Variants in TRIM37 observed in about 807,000 individuals in gnomAD.
TRIM37 encodes the protein E3 ubiquitin-protein ligase TRIM37.
TRIM37 carries 80 observed loss-of-function variants against 129.8 expected under a neutral mutation model. The ratio of observed to expected loss-of-function variants is 0.62; its 90% CI spans 0.51 to 0.74. The LOEUF is 0.74. TRIM37 is among the 30% of genes least tolerant of loss of function. The pLI is 0.00. For missense variants in TRIM37, 1,054 were observed against 1,176.5 expected (o/e 0.90, Z 1.52); for synonymous variants, 389 against 387.1 (o/e 1.00, Z -0.06).
chr17:59,001,597 C>T lies in TRIM37; in HGVS notation c.2812+1G>A. On this transcript the variant is annotated splice_donor_variant, in intron 23 of 23. Coordinates refer to ENST00000262294, the MANE Select transcript of TRIM37 (RefSeq NM_015294.6). LOFTEE classifies it high-confidence loss of function. ...GTGTAAAATGACATCATGTGCTGCACCTTCATCCGGGGGCTGTGTCATGAC... is the reference window on the plus strand; with the variant it reads ...GTGTAAAATGACATCATGTGCTGCATCTTCATCCGGGGGCTGTGTCATGAC... 1 of 1,614,020 alleles carries T rather than the reference C, an allele frequency of 6.2e-7. No individual in the cohort carries two copies. Among genetic ancestry groups the T allele is most frequent in the Non-Finnish European group, 8.5e-7 (1 of 1,179,960 alleles).
chr17:59,075,416 T>C (rs1026055569), intron 8 of TRIM37, among the ~76,000 whole-genome samples: 1 of 151,520 alleles, frequency 6.6e-6, no homozygotes, highest in Non-Finnish European at 1.5e-5. Flanking sequence ...ACAAAAAAAT[T>C]AGCCGGGCGT....
At chr17:59,087,127 C>T (rs757388626) in intron 4 of TRIM37, among the ~76,000 whole-genome samples, 6 of 152,112 alleles carry the variant, frequency 3.9e-5, no homozygotes, top group Admixed American at 6.6e-5. Context: ...GATGGAGTCT[C>T]GCTCGTTACC....
intron 15 of TRIM37, 106 bp downstream of exon 15, chr17:59,049,072 G>T: frequency 1.1e-6 from 1 of 877,396 alleles, no homozygotes; most frequent in Non-Finnish European, 1.8e-6. Context: ...GAAATCAATG[G>T]ACAATATTTT....
At position 59,057,022 on chromosome 17, in the gene TRIM37, G is replaced by C; in HGVS notation, c.1052C>G (p.Ser351Cys). The part of the protein sequence containing the change: ...YEYRVEMVHQ[S>C]CNDPTKNIIR... Reference sequence around the variant, plus strand: ...GATATTTTTTGTAGGATCATTACAGGACTGGTGAACCATCTCTACACGATA... The same window carrying C: ...GATATTTTTTGTAGGATCATTACAGCACTGGTGAACCATCTCTACACGATA... The change falls in exon 13 of 24, where the codon TCC (serine) becomes TGC (cysteine). Residue 351 changes from serine to cysteine, a missense_variant. Coordinates refer to ENST00000262294, the MANE Select transcript of TRIM37 (RefSeq NM_015294.6). 1.2e-6 allele frequency: 2 copies of C among 1,613,640 alleles called. No homozygotes were observed. Among genetic ancestry groups the C allele is most frequent in the Non-Finnish European group, 8.5e-7 (1 of 1,179,874 alleles).
At chr17:59,001,548 C>T (rs866711407) in intron 23 of TRIM37, 50 bp downstream of exon 23, 2 of 1,611,428 alleles carry the variant, frequency 1.2e-6, no homozygotes, top group East Asian at 2.2e-5. Flanking sequence ...GAAAGAGAAG[C>T]GGCAGCGGTG....
chr17:59,056,915 C>T lies in TRIM37; in HGVS notation c.1159G>A (p.Glu387Lys). The T allele has an allele frequency of 6.2e-7, 1 of 1,613,720 alleles. No individual in the cohort carries two copies. The highest frequency in any genetic ancestry group is 1.1e-5 in the South Asian group (1 of 91,054). The stretch of plus-strand genomic sequence containing the variant: ...TCATTTTGTGGATTCAAGTATCCTT[C>T]ATTTGCGAGTAAGTCCAAACGGAAA... Reference protein sequence around the residue: ...RFFRLDLLANEGYLNPQNDTV... With the variant: ...RFFRLDLLANKGYLNPQNDTV... The change falls in exon 13 of 24, where the codon GAA (glutamate) becomes AAA (lysine). Residue 387 changes from glutamate (E) to lysine (K), a missense_variant. This residue lies in a region of TRIM37 where 752 missense variants were observed against 870.8 expected (regional missense o/e 0.86). Transcript: ENST00000262294.
downstream of TRIM37, among the ~76,000 whole-genome samples, chr17:58,995,046 G>A (rs921685961): frequency 6.6e-6 from 1 of 151,746 alleles, no homozygotes; most frequent in African/African-American, 2.4e-5. Context: ...ACTGTGCCCG[G>A]CCATACATTT....
chr17:58,967,504 GTATA>G, the TRIM37 span, among the ~76,000 whole-genome samples: 144 of 148,562 alleles, frequency 9.7e-4, no homozygotes, highest in African/African-American at 3.4e-3. Context: ...ATATATATGT[GTATA>G]TATATATATA....
chr17:58,981,734 T>C (rs189866094), downstream of TRIM37: 1 of 129,804 alleles, frequency 7.7e-6, no homozygotes, highest in Admixed American at 8.5e-5. Context: ...GGGAGTTTCA[T>C]AACCTGTTAT....
chr17:59,057,847 C>T (rs149572013), intron 12 of TRIM37, among the ~76,000 whole-genome samples: 18 of 152,138 alleles, frequency 1.2e-4, no homozygotes, highest in African/African-American at 4.3e-4. Context: ...TTTGAACGAA[C>T]CACCAAAACA....
chr17:59,096,110 T>C (rs2044830606), intron 2 of TRIM37, among the ~76,000 whole-genome samples: 1 of 152,190 alleles, frequency 6.6e-6, no homozygotes, highest in Non-Finnish European at 1.5e-5. Context: ...GGAAAAGCTG[T>C]CCTTTTGTTC....
chr17:59,039,050 G>A (rs1195639688), intron 17 of TRIM37, among the ~76,000 whole-genome samples: 7 of 152,136 alleles, frequency 4.6e-5, no homozygotes, highest in South Asian at 4.1e-4. Flanking sequence ...AGCATTGAGT[G>A]CCTTCGTGTC....
intron 10 of TRIM37, among the ~76,000 whole-genome samples, chr17:59,063,273 G>A (rs540269263): frequency 4.0e-4 from 61 of 151,458 alleles, no homozygotes; most frequent in African/African-American, 1.5e-3. Flanking sequence ...TCCACCTCCC[G>A]GTTTCAGGCA....
chr17:59,004,203 C>T (rs1006963123), intron 22 of TRIM37, among the ~76,000 whole-genome samples: 5 of 151,830 alleles, frequency 3.3e-5, no homozygotes, highest in African/African-American at 1.2e-4. Context: ...GCAAAAATAA[C>T]AAAGGAGAGA....
intron 19 of TRIM37, among the ~76,000 whole-genome samples, chr17:59,019,063 G>T (rs1272504283): frequency 6.6e-6 from 1 of 152,178 alleles, no homozygotes; most frequent in Non-Finnish European, 1.5e-5. Context: ...AATATAAAAT[G>T]ATGCAGCTAC....
At chr17:59,098,639 TG>T (rs1449609701) in intron 2 of TRIM37, among the ~76,000 whole-genome samples, 3 of 134,732 alleles carry the variant, frequency 2.2e-5, no homozygotes, top group African/African-American at 8.4e-5. Context: ...TGCTCCAACG[TG>T]GGCAACAGAG....
At chr17:58,969,367 G>A in the TRIM37 span, 2 of 725,996 alleles carry the variant, frequency 2.8e-6, no homozygotes, top group African/African-American at 1.7e-5. Context: ...TAATATTGCA[G>A]GTATTTCAGC....
At chr17:58,973,050 T>G in the TRIM37 span, 6 of 619,028 alleles carry the variant, frequency 9.7e-6, no homozygotes, top group Non-Finnish European at 1.7e-5. Flanking sequence ...TTCTTTAAAA[T>G]AATAATTGGA....
chr17:59,097,745 AC>A (rs1292861628), intron 2 of TRIM37, among the ~76,000 whole-genome samples: 1 of 152,178 alleles, frequency 6.6e-6, no homozygotes, highest in Non-Finnish European at 1.5e-5. Flanking sequence ...ACAATAAAAA[AC>A]AAAAAGAAAG....
Sources: gnomAD v4.1 joint callset for allele counts (sites outside exome capture counted in the v4.1 genomes callset) on GRCh38, gnomAD v4.1.1 for gene constraint, gnomAD v4.1.1 regional missense constraint, MANE v1.5 for transcripts, NCBI Gene and HGNC (gene_info 2026-07-23, HGNC 2026-07-21) for gene names.